Variants in CNKSR2 observed in about 807,000 individuals in gnomAD.
The protein encoded by CNKSR2 is CNK homolog protein 2.
CNKSR2 carries 14 observed loss-of-function variants against 84.4 expected under a neutral mutation model. The observed-to-expected ratio is 0.17, with a 90% CI of 0.11 to 0.26. The LOEUF (loss-of-function observed/expected upper bound fraction) is 0.26, where lower values mean the gene tolerates loss of function less well. Among genes scored for constraint, CNKSR2 ranks in the 10% least tolerant of loss-of-function variants. The probability of loss-of-function intolerance (pLI) is 1.00; values close to 1 mark genes in which losing one functional copy is unlikely to be tolerated. For synonymous variants in CNKSR2, 275 were observed against 277.9 expected, an observed-to-expected ratio of 0.99 and a Z score of 0.10; for missense variants, 485 against 771.2, an observed-to-expected ratio of 0.63 and a Z score of 4.40.
chrX:21,483,934 A>G (rs1156973857), intron 5 of CNKSR2, among the ~76,000 whole-genome samples: 1 of 111,997 alleles, frequency 8.9e-6, no homozygotes, highest in Non-Finnish European at 1.9e-5. Flanking sequence ...GTCATCCTAC[A>G]TTGGCACAGA....
At chrX:21,439,790 G>A (rs1216971010) in intron 3 of CNKSR2, among the ~76,000 whole-genome samples, 2 of 110,071 alleles carry the variant, frequency 1.8e-5, no homozygotes, top group South Asian at 3.8e-4. Context: ...AACGCCTCAG[G>A]GTGTGGAAAA....
chrX:21,465,234 C>T (rs1373195884), intron 4 of CNKSR2, among the ~76,000 whole-genome samples: 1 of 111,368 alleles, frequency 9.0e-6, no homozygotes, highest in Non-Finnish European at 1.9e-5. Context: ...TTCTCCCCTC[C>T]TACTTAATGA....
intron 1 of CNKSR2, among the ~76,000 whole-genome samples, chrX:21,406,203 G>T (rs1364253127): frequency 9.0e-6 from 1 of 111,408 alleles, no homozygotes; most frequent in East Asian, 2.8e-4. Flanking sequence ...GCATGTGAGG[G>T]ATCTAGGTTG....
chrX:21,573,436 C>T lies in CNKSR2; in HGVS notation c.1608+9984C>T, dbSNP rs148554499. On this transcript the variant is annotated intron_variant, in intron 13 of 21. Transcript: ENST00000379510. Reference sequence around the variant, plus strand: ...GAACCCACATTTCCCTTCTGCACTGCCCTAGCAGAGGTTCTCAATGAGGGC... The same window carrying T: ...GAACCCACATTTCCCTTCTGCACTGTCCTAGCAGAGGTTCTCAATGAGGGC... Among the ~76,000 whole-genome samples the T allele has an allele frequency of 6.7e-3, 754 of 112,385 alleles. 4 individuals are homozygous for T. Among genetic ancestry groups the T allele is most frequent in the African/African-American group, 0.023 (711 of 30,978 alleles).
At chrX:21,575,003 T>A (rs901202132) in intron 13 of CNKSR2, among the ~76,000 whole-genome samples, 3 of 111,496 alleles carry the variant, frequency 2.7e-5, no homozygotes, top group African/African-American at 9.8e-5. Context: ...ATACTGTGAA[T>A]CATCCATACC....
At chrX:21,441,035 G>T (rs2090775921) in intron 4 of CNKSR2, 2 of 194,164 alleles carry the variant, frequency 1.0e-5, no homozygotes, top group South Asian at 2.8e-4. Flanking sequence ...TTTTAACAGT[G>T]ATCTAATTAC....
At chrX:21,507,478 C>T (rs1367485927) in intron 8 of CNKSR2, among the ~76,000 whole-genome samples, 1 of 111,002 alleles carries the variant, frequency 9.0e-6, no homozygotes, top group Non-Finnish European at 1.9e-5. Context: ...AGGTAACTTC[C>T]ACAGTGAAAA....
At chrX:21,476,565 A>G (rs1018860417) in intron 5 of CNKSR2, among the ~76,000 whole-genome samples, 1 of 111,064 alleles carries the variant, frequency 9.0e-6, no homozygotes, top group African/African-American at 3.3e-5. Context: ...GCTTAAAATC[A>G]GAAAGAAGTA....
At chrX:21,521,728 T>G (rs1417630931) in intron 9 of CNKSR2, among the ~76,000 whole-genome samples, 1 of 110,788 alleles carries the variant, frequency 9.0e-6, no homozygotes, top group African/African-American at 3.3e-5. Flanking sequence ...CATATATATC[T>G]GTATTTTTAA....
At chrX:21,492,089 G>A (rs1289769298) in intron 6 of CNKSR2, 1 of 111,413 alleles carries the variant, frequency 9.0e-6, no homozygotes, top group Non-Finnish European at 1.9e-5. Context: ...CATCTTTAAA[G>A]CTCCTTCTGG....
chrX:21,477,997 A>G (rs778837508), intron 5 of CNKSR2, among the ~76,000 whole-genome samples: 1 of 111,307 alleles, frequency 9.0e-6, no homozygotes, highest in Non-Finnish European at 1.9e-5. Context: ...TGCAAACTGA[A>G]TTTTTTTTCA....
At chrX:21,484,773 C>T (rs1464823337) in intron 5 of CNKSR2, among the ~76,000 whole-genome samples, 1 of 111,958 alleles carries the variant, frequency 8.9e-6, no homozygotes, top group South Asian at 3.6e-4. Context: ...AATAAAAATA[C>T]TTTAAGTAGC....
At chrX:21,467,258 C>T (rs773401668) in intron 4 of CNKSR2, among the ~76,000 whole-genome samples, 1 of 111,190 alleles carries the variant, frequency 9.0e-6, no homozygotes, top group Admixed American at 9.6e-5. Flanking sequence ...ATCTTGGAGG[C>T]CTCACTCTGA....
At chrX:21,424,812 CT>C (rs2090543996) in intron 1 of CNKSR2, 1 of 111,803 alleles carries the variant, frequency 8.9e-6, no homozygotes, top group Non-Finnish European at 1.9e-5. Context: ...TCCTGTTTAG[CT>C]CTGTGACACT....
rs770884375 is a variant in CNKSR2 at position 21,605,515 on chromosome X, A to G, written c.2045-1264A>G. Among the ~76,000 whole-genome samples, 15 of 111,780 alleles carry G rather than the reference A, an allele frequency of 1.3e-4. No individual in the cohort carries two copies. In the East Asian group the frequency reaches 3.9e-3, roughly 29 times the overall value. ...CCGGAGGTACATAGCAGGAGGAGATAGGGGGATAAAATGTTCATCAATATA... is the reference window on the plus strand; with the variant it reads ...CCGGAGGTACATAGCAGGAGGAGATGGGGGGATAAAATGTTCATCAATATA... On this transcript the variant is annotated intron_variant, in intron 18 of 21. Coordinates refer to ENST00000379510, the MANE Select transcript of CNKSR2 (RefSeq NM_014927.5).
At chrX:21,614,250 A>C (rs1394838334) in intron 20 of CNKSR2, among the ~76,000 whole-genome samples, 1 of 111,826 alleles carries the variant, frequency 8.9e-6, no homozygotes, top group African/African-American at 3.2e-5. Flanking sequence ...ACATTAAAGT[A>C]GGAGATATGT....
chrX:21,518,442 T>G (rs1472742309), intron 9 of CNKSR2, among the ~76,000 whole-genome samples: 1 of 111,858 alleles, frequency 8.9e-6, no homozygotes, highest in African/African-American at 3.2e-5. Flanking sequence ...GCACTCGGTT[T>G]GAGGGAATAT....
intron 4 of CNKSR2, among the ~76,000 whole-genome samples, chrX:21,458,756 C>G (rs1353144264): frequency 9.0e-6 from 1 of 110,561 alleles, no homozygotes; most frequent in Non-Finnish European, 1.9e-5. Flanking sequence ...TCTCCCTCTT[C>G]CCACCCTCCA....
At chrX:21,451,376 C>G (rs1012559483) in intron 4 of CNKSR2, among the ~76,000 whole-genome samples, 1 of 110,962 alleles carries the variant, frequency 9.0e-6, no homozygotes, top group Non-Finnish European at 1.9e-5. Flanking sequence ...ATAAATCATG[C>G]TGCTATAAAG....
Sources: allele counts gnomAD v4.1 joint callset (sites outside exome capture counted in the v4.1 genomes callset), GRCh38; gene constraint gnomAD v4.1.1; transcripts MANE v1.5; gene names NCBI Gene and HGNC (gene_info 2026-07-23, HGNC 2026-07-21).